Variants in DDX10 observed in about 807,000 individuals in gnomAD.
DDX10 encodes the protein DEAD-box helicase 10, also known as probable ATP-dependent RNA helicase DDX10.
Under a neutral mutation model 104.3 loss-of-function variants are expected in DDX10, and 74 were observed. That is an observed-to-expected ratio of 0.71 (90% CI 0.59 to 0.86). The LOEUF (loss-of-function observed/expected upper bound fraction) is 0.86. DDX10 is among the 40% of genes least tolerant of loss of function. DDX10 has a pLI of 0.00. For missense variants in DDX10, 952 were observed against 1,040.0 expected, an observed-to-expected ratio of 0.92 and a Z score of 1.16; for synonymous variants, 351 against 353.4, an observed-to-expected ratio of 0.99 and a Z score of 0.08.
At chr11:108,920,542 G>GA (rs1197714844) in intron 17 of DDX10, 2 of 152,116 alleles carry the variant, frequency 1.3e-5, no homozygotes, top group African/African-American at 2.4e-5. Context: ...CCTTCTAGAT[G>GA]AAAAAACCAA....
chr11:108,855,821 A>G (rs1197961050), intron 16 of DDX10, among the ~76,000 whole-genome samples: 1 of 152,224 alleles, frequency 6.6e-6, no homozygotes, highest in African/African-American at 2.4e-5. Context: ...CTATGAAGGA[A>G]CAAAGAGTAG....
At chr11:108,678,146 G>T (rs2094228642) in intron 4 of DDX10, among the ~76,000 whole-genome samples, 169 bp from the exon 5 acceptor site, 1 of 152,056 alleles carries the variant, frequency 6.6e-6, no homozygotes, top group South Asian at 2.1e-4. Context: ...CTTTTATTTA[G>T]CCCAGAAATG....
intron 16 of DDX10, among the ~76,000 whole-genome samples, chr11:108,907,332 CT>C (rs58465136): frequency 0.15 from 21,379 of 144,998 alleles, 1,939 homozygotes; most frequent in East Asian, 0.27. Flanking sequence ...TCCATTGCCT[CT>C]TTTTTTTTTT....
At chr11:108,882,431 A>G (rs1004011445) in intron 16 of DDX10, among the ~76,000 whole-genome samples, 4 of 152,180 alleles carry the variant, frequency 2.6e-5, no homozygotes, top group African/African-American at 9.6e-5. Context: ...TGGTTAGAAA[A>G]GATTGAGCAC....
chr11:108,707,253 G>A (rs936729851), intron 10 of DDX10, among the ~76,000 whole-genome samples: 1 of 151,972 alleles, frequency 6.6e-6, no homozygotes, highest in African/African-American at 2.4e-5. Flanking sequence ...AAAATCCTGT[G>A]CTCTGCCTAT....
At chr11:108,841,838 T>A (rs1169827209) in intron 15 of DDX10, among the ~76,000 whole-genome samples, 1 of 152,218 alleles carries the variant, frequency 6.6e-6, no homozygotes, top group Non-Finnish European at 1.5e-5. Flanking sequence ...GAATGTTTTA[T>A]ATAAAACTAT....
intron 1 of DDX10, among the ~76,000 whole-genome samples, chr11:108,670,850 T>C (rs530843151): frequency 2.6e-4 from 40 of 152,218 alleles, no homozygotes; most frequent in African/African-American, 9.4e-4. Flanking sequence ...GGCGGTTTGC[T>C]GTTCTTCTCT....
At chr11:108,738,446 T>G (rs1156412005) in intron 13 of DDX10, among the ~76,000 whole-genome samples, 2 of 152,048 alleles carry the variant, frequency 1.3e-5, no homozygotes, top group Admixed American at 6.5e-5. Context: ...TAGAAATACT[T>G]ATTTCTAATC....
At chr11:108,746,077 A>G (rs749181389) in intron 13 of DDX10, among the ~76,000 whole-genome samples, 1 of 152,122 alleles carries the variant, frequency 6.6e-6, no homozygotes, top group Non-Finnish European at 1.5e-5. Flanking sequence ...ATAATCCTCT[A>G]TTCCTTTCAG....
intron 13 of DDX10, among the ~76,000 whole-genome samples, chr11:108,733,531 G>T (rs2094314818): frequency 6.6e-6 from 1 of 152,138 alleles, no homozygotes; most frequent in Admixed American, 6.6e-5. Flanking sequence ...TACAAGTTCA[G>T]ACACAGGCTT....
At position 108,940,560 on chromosome 11, in the gene DDX10, C is replaced by T. The variant is rs1297229478; in HGVS notation, c.*137C>T. ...GGGCACATTTCTGGATAGAAGCGAT[C>T]GTATCTCCAAGTCCCTCTCACAGGA... On this transcript the variant is annotated 3_prime_UTR_variant, in exon 18 of 18. Transcript: ENST00000322536. 5 of 789,610 alleles carry T rather than the reference C, an allele frequency of 6.3e-6. No homozygotes were observed. The highest frequency in any genetic ancestry group is 5.4e-5 in the East Asian group (2 of 36,890). The allele number at this position is 789,610 out of a possible 1,614,324, so 48.9% of individuals were successfully genotyped here.
chr11:108,673,754 A>G (rs2094220182), intron 2 of DDX10, among the ~76,000 whole-genome samples: 1 of 152,236 alleles, frequency 6.6e-6, no homozygotes, highest in African/African-American at 2.4e-5. Context: ...ATAAAATGAA[A>G]TCTAATTTTG....
intron 16 of DDX10, among the ~76,000 whole-genome samples, chr11:108,912,510 T>C (rs1318809185): frequency 6.6e-6 from 1 of 152,160 alleles, no homozygotes; most frequent in Non-Finnish European, 1.5e-5. Flanking sequence ...ATTGCTGCAT[T>C]TCTAAGGTAC....
At chr11:108,872,366 A>G (rs1197640246) in intron 16 of DDX10, among the ~76,000 whole-genome samples, 1 of 152,208 alleles carries the variant, frequency 6.6e-6, no homozygotes, top group Non-Finnish European at 1.5e-5. Context: ...ATGTTTGGCT[A>G]TTTCAGAGAA....
chr11:108,686,797 T>C (rs1000115334), intron 6 of DDX10, among the ~76,000 whole-genome samples: 1 of 152,108 alleles, frequency 6.6e-6, no homozygotes, highest in South Asian at 2.1e-4. Flanking sequence ...AAAAGTATGT[T>C]TTTTTGAGAC....
chr11:108,722,356 G>T (rs1450285650), intron 12 of DDX10, among the ~76,000 whole-genome samples: 1 of 152,112 alleles, frequency 6.6e-6, no homozygotes, highest in Non-Finnish European at 1.5e-5. Context: ...GATCCAAGCT[G>T]GGAAAGACAT....
chr11:108,925,351 A>G lies in DDX10; in HGVS notation c.2450+7333A>G, dbSNP rs562393635. Among the ~76,000 whole-genome samples, 313 of 152,264 alleles carry G rather than the reference A, an allele frequency of 2.1e-3. 2 individuals carry two copies. Among genetic ancestry groups the G allele is most frequent in the Non-Finnish European group, 3.3e-3 (223 of 68,026 alleles). The stretch of plus-strand genomic sequence containing the variant: ...TTTCTACTCTATCATTTAGTCAACC[A>G]TTATATATAACTTAGGACAGTTGTG... On this transcript the variant is annotated intron_variant, in intron 17 of 17. Coordinates refer to ENST00000322536, the MANE Select transcript of DDX10 (RefSeq NM_004398.4).
intron 12 of DDX10, among the ~76,000 whole-genome samples, chr11:108,721,523 T>A (rs910461174): frequency 6.6e-6 from 1 of 152,190 alleles, no homozygotes; most frequent in South Asian, 2.1e-4. Flanking sequence ...TTTGTTGCAA[T>A]AGATTCCAGT....
intron 6 of DDX10, among the ~76,000 whole-genome samples, chr11:108,687,570 T>C (rs1331600947): frequency 6.6e-6 from 1 of 152,212 alleles, no homozygotes; most frequent in Non-Finnish European, 1.5e-5. Flanking sequence ...CTACATATCC[T>C]CTTTGGAGAG....
Sources: gnomAD v4.1 joint callset for allele counts (sites outside exome capture counted in the v4.1 genomes callset) on GRCh38, gnomAD v4.1.1 for gene constraint, MANE v1.5 for transcripts, NCBI Gene and HGNC (gene_info 2026-07-23, HGNC 2026-07-21) for gene names.